CNTLN: variants seen among roughly 807,000 people sequenced by gnomAD.
CNTLN encodes centlein, centrosomal protein.
In CNTLN, 212 loss-of-function variants were observed where a neutral mutation model predicts 180.0. The ratio of observed to expected loss-of-function variants is 1.18; its 90% CI spans 1.05 to 1.32. CNTLN has a LOEUF of 1.32. Ranked by LOEUF, CNTLN falls within the 40% of genes most tolerant of loss-of-function variation. CNTLN has a pLI of 0.00. For missense variants in CNTLN, 2,095 were observed against 1,610.9 expected (o/e 1.30, Z -5.14); for synonymous variants, 722 against 563.1 (o/e 1.28, Z -3.99).
intron 10 of CNTLN, among the ~76,000 whole-genome samples, chr9:17,336,641 C>T (rs1020172266): frequency 2.6e-5 from 4 of 152,140 alleles, no homozygotes; most frequent in African/African-American, 9.7e-5. Context: ...CTTATGTAAA[C>T]ACTCTGCTGT....
intron 8 of CNTLN, among the ~76,000 whole-genome samples, chr9:17,312,364 T>TATATATATATATATATATATA (rs369729227): frequency 9.9e-5 from 2 of 20,186 alleles, no homozygotes; most frequent in African/African-American, 2.3e-4. Flanking sequence ...TATATATATA[T>TATATATATATATATATATATA]TATATATATA....
intron 15 of CNTLN, among the ~76,000 whole-genome samples, chr9:17,402,690 G>A (rs1451431967): frequency 6.6e-6 from 1 of 151,716 alleles, no homozygotes; most frequent in African/African-American, 2.4e-5. Flanking sequence ...CCAGAAAATT[G>A]CCTTCAGATT....
intron 12 of CNTLN, among the ~76,000 whole-genome samples, chr9:17,348,144 G>A (rs1248113796): frequency 6.6e-6 from 1 of 152,010 alleles, no homozygotes; most frequent in Non-Finnish European, 1.5e-5. Context: ...CCCATTTTAT[G>A]ATAACGCACT....
intron 8 of CNTLN, among the ~76,000 whole-genome samples, chr9:17,311,071 C>A (rs946584632): frequency 3.9e-5 from 6 of 151,950 alleles, no homozygotes; most frequent in South Asian, 4.2e-4. Context: ...GTTGTCCAGG[C>A]TGGAGTGCAA....
chr9:17,317,378 A>G (rs1300986874), intron 8 of CNTLN, among the ~76,000 whole-genome samples: 1 of 152,226 alleles, frequency 6.6e-6, no homozygotes, highest in African/African-American at 2.4e-5. Context: ...AGTAAAATGC[A>G]GGAATCATAC....
intron 12 of CNTLN, among the ~76,000 whole-genome samples, chr9:17,356,407 T>A (rs1480951835): frequency 6.6e-6 from 1 of 152,210 alleles, no homozygotes; most frequent in Admixed American, 6.5e-5. Flanking sequence ...TTTGCTAAGT[T>A]AGAGTACTGA....
At chr9:17,162,497 CT>C (rs1470381527) in intron 2 of CNTLN, among the ~76,000 whole-genome samples, 1 of 152,206 alleles carries the variant, frequency 6.6e-6, no homozygotes, top group African/African-American at 2.4e-5. Context: ...AGTTCCTATA[CT>C]TTGTTACACA....
intron 5 of CNTLN, among the ~76,000 whole-genome samples, chr9:17,254,209 T>A (rs1826330664): frequency 6.6e-6 from 1 of 151,776 alleles, no homozygotes; most frequent in East Asian, 1.9e-4. Context: ...GAGAAATATC[T>A]ATTGAAGTCC....
chr9:17,290,757 G>T (rs1199081130), intron 6 of CNTLN, among the ~76,000 whole-genome samples: 1 of 151,736 alleles, frequency 6.6e-6, no homozygotes, highest in Non-Finnish European at 1.5e-5. Flanking sequence ...ATTCGGGTGG[G>T]AGTGACCCGA....
intron 7 of CNTLN, among the ~76,000 whole-genome samples, chr9:17,308,606 C>T (rs893647843): frequency 4.6e-5 from 7 of 151,912 alleles, no homozygotes; most frequent in Non-Finnish European, 7.4e-5. Flanking sequence ...CCTTTCCTAT[C>T]GTTGTACATA....
At chr9:17,142,633 A>C (rs915380660) in intron 1 of CNTLN, among the ~76,000 whole-genome samples, 1 of 152,148 alleles carries the variant, frequency 6.6e-6, no homozygotes, top group Admixed American at 6.6e-5. Context: ...GAGGTCACCT[A>C]GGGCAGTGGT....
the CNTLN span, among the ~76,000 whole-genome samples, chr9:17,527,509 G>A: frequency 6.6e-6 from 1 of 152,170 alleles, no homozygotes; most frequent in East Asian, 1.9e-4. Flanking sequence ...ATACTGGGAC[G>A]GAAGAATTCA....
At chr9:17,481,653 G>T (rs1832654568) in intron 23 of CNTLN, among the ~76,000 whole-genome samples, 1 of 152,194 alleles carries the variant, frequency 6.6e-6, no homozygotes, top group Admixed American at 6.5e-5. Flanking sequence ...TATCCTGGAT[G>T]CCCCCCAACT....
At chr9:17,235,395 A>G (rs761666666) in intron 3 of CNTLN, among the ~76,000 whole-genome samples, 12 of 152,238 alleles carry the variant, frequency 7.9e-5, no homozygotes, top group Middle Eastern at 3.4e-3. Flanking sequence ...ACACACCTAA[A>G]TTTTGAAAAT....
At chr9:17,144,827 A>AT (rs910071207) in intron 2 of CNTLN, among the ~76,000 whole-genome samples, 11 of 148,186 alleles carry the variant, frequency 7.4e-5, no homozygotes, top group African/African-American at 2.0e-4. Context: ...ATTTTATTTT[A>AT]TTTTTTTTAT....
intron 23 of CNTLN, among the ~76,000 whole-genome samples, chr9:17,473,712 C>G (rs1832165716): frequency 6.6e-6 from 1 of 152,116 alleles, no homozygotes; most frequent in African/African-American, 2.4e-5. Flanking sequence ...TACCTATTCT[C>G]TACCCACTTT....
intron 5 of CNTLN, among the ~76,000 whole-genome samples, chr9:17,262,806 G>A (rs1044563070): frequency 6.6e-6 from 1 of 151,266 alleles, no homozygotes; most frequent in Non-Finnish European, 1.5e-5. Context: ...AATGCTTCCA[G>A]CTTTTGCCAG....
At chr9:17,212,049 T>C (rs1050917646) in intron 2 of CNTLN, among the ~76,000 whole-genome samples, 31 of 152,122 alleles carry the variant, frequency 2.0e-4, no homozygotes, top group African/African-American at 6.5e-4. Context: ...CCTTTATTTC[T>C]TTCTCCTGCC....
chr9:17,344,404 A>C (rs572131320), intron 12 of CNTLN, among the ~76,000 whole-genome samples: 1 of 152,148 alleles, frequency 6.6e-6, no homozygotes, highest in Non-Finnish European at 1.5e-5. Context: ...TAAGGAAAAA[A>C]TTTTTAAAAG....
Sources: allele counts gnomAD v4.1 joint callset (sites outside exome capture counted in the v4.1 genomes callset), GRCh38; gene constraint gnomAD v4.1.1; transcripts MANE v1.5; gene names NCBI Gene and HGNC (gene_info 2026-07-23, HGNC 2026-07-21).